The following SUMF1 variants were observed in gnomAD, a reference collection of about 807,000 sequenced individuals.
SUMF1 encodes sulfatase modifying factor 1.
Under a neutral mutation model 47.6 loss-of-function variants are expected in SUMF1, and 48 were observed. The observed-to-expected ratio is 1.01, with a 90% CI of 0.80 to 1.28. The LOEUF (loss-of-function observed/expected upper bound fraction) is 1.28. Ranked by LOEUF, SUMF1 falls within the 50% of genes most tolerant of loss-of-function variation. SUMF1 has a pLI of 0.00. For missense variants in SUMF1, 571 were observed against 485.4 expected, an observed-to-expected ratio of 1.18 and a Z score of -1.66; for synonymous variants, 230 against 192.1, an observed-to-expected ratio of 1.20 and a Z score of -1.63.
intron 8 of SUMF1, among the ~76,000 whole-genome samples, chr3:4,216,678 A>C (rs1004931743): frequency 1.3e-5 from 2 of 152,234 alleles, no homozygotes; most frequent in African/African-American, 4.8e-5. Flanking sequence ...CAAGAAAAAA[A>C]CAACCCCATC....
chr3:4,251,706 A>G (rs1056530836), intron 8 of SUMF1, among the ~76,000 whole-genome samples: 1 of 152,336 alleles, frequency 6.6e-6, no homozygotes, highest in Middle Eastern at 3.4e-3. Flanking sequence ...AATGCCAGAT[A>G]GCATCTTCTT....
At chr3:4,308,985 G>A (rs545870494) in intron 8 of SUMF1, among the ~76,000 whole-genome samples, 1 of 152,342 alleles carries the variant, frequency 6.6e-6, no homozygotes, top group South Asian at 2.1e-4. Context: ...AGGGAGACAT[G>A]AGACAACAGT....
At chr3:4,250,260 G>T (rs1156853496) in intron 8 of SUMF1, among the ~76,000 whole-genome samples, 2 of 147,280 alleles carry the variant, frequency 1.4e-5, no homozygotes, top group African/African-American at 5.0e-5. Flanking sequence ...GAAAGGAAAA[G>T]GGAAAGAGGG....
chr3:4,101,728 T>C (rs1399303099), intron 8 of SUMF1, among the ~76,000 whole-genome samples: 1 of 152,192 alleles, frequency 6.6e-6, no homozygotes, highest in Non-Finnish European at 1.5e-5. Flanking sequence ...GCTATAGTTC[T>C]AGAGTGGATC....
chr3:4,432,252 G>A (rs192797977), intron 3 of SUMF1, among the ~76,000 whole-genome samples: 2 of 150,924 alleles, frequency 1.3e-5, no homozygotes, highest in East Asian at 3.9e-4. Flanking sequence ...CTAGATTCCT[G>A]TCTTTTCTTT....
chr3:4,309,627 C>T (rs1485272807), intron 8 of SUMF1, among the ~76,000 whole-genome samples: 4 of 152,166 alleles, frequency 2.6e-5, no homozygotes, highest in Non-Finnish European at 5.9e-5. Context: ...ACCACCTTCC[C>T]CCTTCACACC....
At chr3:4,456,076 A>G (rs1703150963) in intron 1 of SUMF1, among the ~76,000 whole-genome samples, 1 of 152,234 alleles carries the variant, frequency 6.6e-6, no homozygotes, top group South Asian at 2.1e-4. Context: ...AACATATGCA[A>G]ACTACAAATG....
At chr3:4,072,545 G>A (rs1013509557) in intron 8 of SUMF1, among the ~76,000 whole-genome samples, 5 of 152,118 alleles carry the variant, frequency 3.3e-5, no homozygotes, top group Admixed American at 1.3e-4. Flanking sequence ...AGAGCTAAAG[G>A]AGCATGTTCT....
At chr3:4,458,081 T>G (rs568440337) in intron 1 of SUMF1, among the ~76,000 whole-genome samples, 29 of 152,276 alleles carry the variant, frequency 1.9e-4, no homozygotes, top group South Asian at 4.1e-4. Context: ...AGGACCCGAA[T>G]AGACATTGCT....
intron 8 of SUMF1, among the ~76,000 whole-genome samples, chr3:4,246,079 G>A (rs1001332004): frequency 2.0e-5 from 3 of 152,178 alleles, no homozygotes; most frequent in Non-Finnish European, 2.9e-5. Context: ...GTACGGGAGG[G>A]AATCTCCTGG....
At chr3:4,061,219 A>G (rs1695271662) in intron 9 of SUMF1, among the ~76,000 whole-genome samples, 1 of 152,152 alleles carries the variant, frequency 6.6e-6, no homozygotes. Context: ...TCTTTTGAAT[A>G]AACATAGAAA....
intron 9 of SUMF1, among the ~76,000 whole-genome samples, chr3:4,040,986 C>A (rs888548665): frequency 1.3e-5 from 2 of 152,184 alleles, no homozygotes; most frequent in African/African-American, 4.8e-5. Flanking sequence ...GTTGGGTGCC[C>A]TTGGGGTCTG....
chr3:4,258,257 C>G (rs1215431607), intron 8 of SUMF1, among the ~76,000 whole-genome samples: 5 of 148,652 alleles, frequency 3.4e-5, no homozygotes, highest in Non-Finnish European at 5.9e-5. Context: ...ACAAAATTGA[C>G]AAATGGGATC....
chr3:4,348,041 T>C (rs182942890), intron 8 of SUMF1, among the ~76,000 whole-genome samples: 76 of 152,264 alleles, frequency 5.0e-4, no homozygotes, highest in Middle Eastern at 3.4e-3. Flanking sequence ...CACAAACAAA[T>C]GGAAAAACAT....
intron 8 of SUMF1, among the ~76,000 whole-genome samples, chr3:4,210,068 T>C (rs968165815): frequency 7.2e-5 from 11 of 152,076 alleles, no homozygotes; most frequent in Admixed American, 3.3e-4. Context: ...CTAATTTTTG[T>C]ATTTTTAGTA....
intron 8 of SUMF1, among the ~76,000 whole-genome samples, chr3:4,246,004 G>C (rs1317442121): frequency 6.6e-6 from 1 of 152,184 alleles, no homozygotes; most frequent in Non-Finnish European, 1.5e-5. Flanking sequence ...AGCGTCCCAG[G>C]TCAATCTCAG....
chr3:4,404,635 A>G (rs1701318907), intron 7 of SUMF1, among the ~76,000 whole-genome samples: 1 of 152,156 alleles, frequency 6.6e-6, no homozygotes, highest in Non-Finnish European at 1.5e-5. Context: ...CACATGGCAC[A>G]TGCCCGTAAT....
intron 9 of SUMF1, among the ~76,000 whole-genome samples, chr3:4,055,621 T>A (rs541127343): frequency 1.3e-5 from 2 of 152,304 alleles, no homozygotes; most frequent in East Asian, 3.9e-4. Context: ...TAACTGGGAC[T>A]ACAGATGCAC....
At chr3:4,154,985 G>C (rs1196570476) in intron 8 of SUMF1, among the ~76,000 whole-genome samples, 1 of 151,536 alleles carries the variant, frequency 6.6e-6, no homozygotes, top group Non-Finnish European at 1.5e-5. Context: ...GCAGAGAAAG[G>C]AGATGTACCT....
Sources: gnomAD v4.1 joint callset for allele counts (sites outside exome capture counted in the v4.1 genomes callset) on GRCh38, gnomAD v4.1.1 for gene constraint, MANE v1.5 for transcripts, NCBI Gene and HGNC (gene_info 2026-07-23, HGNC 2026-07-21) for gene names.